Variants in TENM3 observed in about 807,000 individuals in gnomAD.
TENM3 encodes the protein teneurin transmembrane protein 3, also known as teneurin-3.
TENM3 carries 63 observed loss-of-function variants against 255.1 expected under a neutral mutation model. The observed-to-expected ratio is 0.25, with a 90% CI of 0.20 to 0.30. The LOEUF is 0.30. TENM3 is among the 10% of genes least tolerant of loss of function. The pLI, the probability that TENM3 is intolerant of heterozygous loss-of-function variation, is 1.00. For missense variants in TENM3, 2,929 were observed against 3,461.1 expected (o/e 0.85, Z 3.86); for synonymous variants, 1,306 against 1,322.3 (o/e 0.99, Z 0.27).
chr4:181,569,037 G>C, the TENM3 span, among the ~76,000 whole-genome samples: 19,960 of 152,160 alleles, frequency 0.13, 1,374 homozygotes, highest in Middle Eastern at 0.18. Flanking sequence ...AAGGAGAAAA[G>C]TAATAAAAGG....
chr4:182,615,348 T>C (rs1749402794), intron 4 of TENM3, among the ~76,000 whole-genome samples: 1 of 152,084 alleles, frequency 6.6e-6, no homozygotes, highest in African/African-American at 2.4e-5. Flanking sequence ...GTACTCTCTC[T>C]GCGAAGAAAT....
intron 3 of TENM3, among the ~76,000 whole-genome samples, chr4:182,382,324 G>C (rs142784100): frequency 4.0e-4 from 60 of 150,736 alleles, no homozygotes; most frequent in Non-Finnish European, 8.0e-4. Context: ...CTGATTCATT[G>C]CATCAACTTT....
intron 2 of TENM3, among the ~76,000 whole-genome samples, chr4:182,335,399 G>A (rs1764054817): frequency 2.1e-5 from 3 of 139,584 alleles, no homozygotes; most frequent in Admixed American, 7.3e-5. Flanking sequence ...GGAGGCTGAG[G>A]CAGGAGAATG....
the TENM3 span, among the ~76,000 whole-genome samples, chr4:181,917,807 G>A: frequency 2.6e-5 from 4 of 151,630 alleles, no homozygotes; most frequent in African/African-American, 9.7e-5. Flanking sequence ...GACTGCAGGT[G>A]CCCACCATGA....
chr4:182,486,660 C>A (rs971648842), intron 3 of TENM3, among the ~76,000 whole-genome samples: 1 of 152,118 alleles, frequency 6.6e-6, no homozygotes, highest in Non-Finnish European at 1.5e-5. Context: ...AGAGCTAGAA[C>A]CCCCATATGC....
At chr4:181,662,025 C>G in the TENM3 span, among the ~76,000 whole-genome samples, 2 of 152,144 alleles carry the variant, frequency 1.3e-5, no homozygotes, top group East Asian at 3.9e-4. Context: ...AGTAACATCA[C>G]TTCTTTTTAA....
rs766439009 is a variant in TENM3, at chr4:182,688,162, A to G, written c.2036-4A>G. 7 of 1,585,030 alleles carry G rather than the reference A, an allele frequency of 4.4e-6. No individual in the cohort carries two copies. Among genetic ancestry groups the G allele is most frequent in the Non-Finnish European group, 6.0e-6 (7 of 1,162,082 alleles). ...CTGTTTTGTGTCCTCTTCCTCCCACATAGAAATATGTTCTGTGGACTGTGG... is the reference window on the plus strand; with the variant it reads ...CTGTTTTGTGTCCTCTTCCTCCCACGTAGAAATATGTTCTGTGGACTGTGG... On this transcript the variant is annotated splice_region_variant and splice_polypyrimidine_tract_variant and intron_variant, in intron 11 of 27. Transcript: ENST00000511685.
chr4:182,605,485 TAA>T (rs10676569), intron 4 of TENM3, among the ~76,000 whole-genome samples: 13 of 142,480 alleles, frequency 9.1e-5, no homozygotes, highest in Admixed American at 2.8e-4. Context: ...ATCATTTATT[TAA>T]AAAAAAAAAA....
chr4:181,908,766 G>A, the TENM3 span, among the ~76,000 whole-genome samples: 1 of 152,178 alleles, frequency 6.6e-6, no homozygotes, highest in Non-Finnish European at 1.5e-5. Context: ...GTAAAAGATA[G>A]TGTTACACGG....
At chr4:182,374,969 A>C (rs1186376210) in intron 3 of TENM3, among the ~76,000 whole-genome samples, 1 of 152,192 alleles carries the variant, frequency 6.6e-6, no homozygotes, top group East Asian at 1.9e-4. Context: ...TATTTGCCAT[A>C]TTGTGAATAA....
chr4:182,174,061 TAA>T (rs76679409), intron 1 of TENM3, among the ~76,000 whole-genome samples: 1 of 152,054 alleles, frequency 6.6e-6, no homozygotes, highest in African/African-American at 2.4e-5. Flanking sequence ...AATTGATAAC[TAA>T]AAAATTGTTT....
At chr4:182,511,029 C>T (rs1737341363) in intron 3 of TENM3, among the ~76,000 whole-genome samples, 1 of 152,158 alleles carries the variant, frequency 6.6e-6, no homozygotes, top group Non-Finnish European at 1.5e-5. Flanking sequence ...CAGTGTTCCT[C>T]AGCTGTGACA....
chr4:181,810,737 C>T, the TENM3 span, among the ~76,000 whole-genome samples: 4 of 151,970 alleles, frequency 2.6e-5, no homozygotes, highest in Middle Eastern at 3.4e-3. Context: ...TTGAAGTGGG[C>T]CTTGAAGAAG....
At chr4:181,533,526 C>T in the TENM3 span, among the ~76,000 whole-genome samples, 1 of 151,980 alleles carries the variant, frequency 6.6e-6, no homozygotes, top group African/African-American at 2.4e-5. Flanking sequence ...TAATAGGCCC[C>T]TTAGAAGGGA....
the TENM3 span, among the ~76,000 whole-genome samples, chr4:181,920,003 G>A: frequency 5.3e-5 from 8 of 150,024 alleles, no homozygotes; most frequent in African/African-American, 7.4e-5. Context: ...TTGTTCTTGC[G>A]ATAGTTTACT....
At chr4:181,571,664 T>C in the TENM3 span, among the ~76,000 whole-genome samples, 2 of 152,170 alleles carry the variant, frequency 1.3e-5, no homozygotes, top group Non-Finnish European at 2.9e-5. Context: ...ATTTACAACA[T>C]TTTTTGTTAT....
chr4:181,643,711 G>A, the TENM3 span, among the ~76,000 whole-genome samples: 5 of 152,284 alleles, frequency 3.3e-5, no homozygotes, highest in Admixed American at 2.6e-4. Context: ...TCTTTCAGCT[G>A]AGCACCGCAT....
At chr4:182,331,037 T>C (rs1339532482) in intron 2 of TENM3, among the ~76,000 whole-genome samples, 1 of 152,124 alleles carries the variant, frequency 6.6e-6, no homozygotes, top group Non-Finnish European at 1.5e-5. Flanking sequence ...TATTTGAATA[T>C]GAATGTCAGG....
intron 2 of TENM3, among the ~76,000 whole-genome samples, chr4:182,328,958 T>C (rs1580176753): frequency 6.6e-6 from 1 of 152,162 alleles, no homozygotes; most frequent in Admixed American, 6.5e-5. Context: ...GCCCATCTTG[T>C]ATGCAAACAT....
Sources: gnomAD v4.1 joint callset for allele counts (sites outside exome capture counted in the v4.1 genomes callset) on GRCh38, gnomAD v4.1.1 for gene constraint, MANE v1.5 for transcripts, NCBI Gene and HGNC (gene_info 2026-07-23, HGNC 2026-07-21) for gene names.